STPG1: variants seen among roughly 807,000 people sequenced by gnomAD.
The protein encoded by STPG1 is O(6)-methylguanine-induced apoptosis 2.
In STPG1, 33 loss-of-function variants were observed where a neutral mutation model predicts 40.1. That is an observed-to-expected ratio of 0.82 (90% CI 0.62 to 1.10). STPG1 has a LOEUF of 1.10. Among genes scored for constraint, STPG1 ranks in the 50% least tolerant of loss-of-function variants. STPG1 has a pLI of 0.00. For synonymous variants in STPG1, 150 were observed against 155.0 expected (o/e 0.97, Z 0.24); for missense variants, 396 against 415.1 (o/e 0.95, Z 0.40).
chr1:24,388,534 G>A (rs1340931867), intron 3 of STPG1, among the ~76,000 whole-genome samples: 2 of 152,200 alleles, frequency 1.3e-5, no homozygotes, highest in Non-Finnish European at 2.9e-5. Flanking sequence ...GACCTTGATG[G>A]TTCACTGCAA....
chr1:24,391,871 C>T (rs1006788835), intron 2 of STPG1, 192 bp from the exon 3 acceptor site: 8 of 1,317,426 alleles, frequency 6.1e-6, no homozygotes, highest in Middle Eastern at 2.9e-4. Context: ...GGCAATTTAT[C>T]GGACTTCCCC....
In STPG1 at chr1:24,364,363, T is replaced by C. The variant is rs1641317884; in HGVS notation, c.738-3322A>G. 4 of 1,540,708 alleles carry C rather than the reference T, an allele frequency of 2.6e-6. No individual in the cohort carries two copies. The South Asian group carries it at 4.9e-5, about 19-fold the overall frequency. On this transcript the variant is annotated intron_variant, in intron 7 of 8. Transcript: ENST00000337248. ...CAACAGCCTGCACTTCACTGTAAAC[T>C]CGGAATGACACACCCACCTGGAGGA... is the stretch of plus-strand genomic sequence containing the variant.
upstream of STPG1, chr1:24,414,501 C>G (rs1487234143): frequency 6.6e-6 from 1 of 150,520 alleles, no homozygotes. Flanking sequence ...CCTCCAATGG[C>G]TCGCCTTTAA....
intron 3 of STPG1, among the ~76,000 whole-genome samples, chr1:24,388,678 T>C (rs571988741): frequency 6.6e-6 from 1 of 152,362 alleles, no homozygotes; most frequent in African/African-American, 2.4e-5. Context: ...GGGTGACTAA[T>C]GCTTTAAGAA....
At chr1:24,374,159 A>C (rs966880474) in intron 5 of STPG1, among the ~76,000 whole-genome samples, 7 of 151,884 alleles carry the variant, frequency 4.6e-5, no homozygotes, top group Non-Finnish European at 8.8e-5. Context: ...CTCATCTGTA[A>C]AACGGATTGG....
chr1:24,374,242 G>GCGT (rs1557440345), intron 5 of STPG1, among the ~76,000 whole-genome samples: 16 of 124,860 alleles, frequency 1.3e-4, no homozygotes, highest in African/African-American at 4.9e-4. Flanking sequence ...CGCTAGGAAA[G>GCGT]TGTTTTTTTT....
At chr1:24,386,287 C>A (rs1484188327) in intron 3 of STPG1, among the ~76,000 whole-genome samples, 1 of 152,198 alleles carries the variant, frequency 6.6e-6, no homozygotes. Context: ...CACTTTAATT[C>A]TGCCACTTTG....
intron 1 of STPG1, among the ~76,000 whole-genome samples, chr1:24,406,875 A>T (rs1336011488): frequency 6.6e-6 from 1 of 152,216 alleles, no homozygotes; most frequent in Non-Finnish European, 1.5e-5. Context: ...TACACATAAC[A>T]TAAAAATTTG....
At chr1:24,365,396 T>C (rs1641390294) in intron 7 of STPG1, among the ~76,000 whole-genome samples, 1 of 152,230 alleles carries the variant, frequency 6.6e-6, no homozygotes, top group Non-Finnish European at 1.5e-5. Flanking sequence ...ACTCTCACCC[T>C]GACTCACCCT....
intron 5 of STPG1, among the ~76,000 whole-genome samples, chr1:24,374,469 C>T (rs2148690475): frequency 6.6e-6 from 1 of 152,020 alleles, no homozygotes; most frequent in East Asian, 1.9e-4. Context: ...CCATGTTAAC[C>T]AGGATGGCCT....
At chr1:24,404,415 T>C (rs570288403) in intron 1 of STPG1, among the ~76,000 whole-genome samples, 1 of 152,300 alleles carries the variant, frequency 6.6e-6, no homozygotes, top group South Asian at 2.1e-4. Context: ...ATGTCTTTGA[T>C]TTGGGCATCA....
chr1:24,383,851 G>T, intron 4 of STPG1, 51 bp downstream of exon 4: 1 of 1,156,818 alleles, frequency 8.6e-7, no homozygotes, highest in Non-Finnish European at 1.3e-6. Flanking sequence ...TGCAATGAAT[G>T]AAGGAAATTA....
At chr1:24,406,703 T>C (rs573772372) in intron 1 of STPG1, among the ~76,000 whole-genome samples, 1 of 152,330 alleles carries the variant, frequency 6.6e-6, no homozygotes, top group African/African-American at 2.4e-5. Context: ...ATTACTCCTT[T>C]GTCTTCTGAC....
At chr1:24,409,191 C>T (rs1643521889) in intron 1 of STPG1, among the ~76,000 whole-genome samples, 2 of 152,142 alleles carry the variant, frequency 1.3e-5, no homozygotes, top group Admixed American at 1.3e-4. Flanking sequence ...GAAAGTCCGT[C>T]TCTACAAAAA....
intron 4 of STPG1, among the ~76,000 whole-genome samples, chr1:24,381,164 G>C (rs1204579749): frequency 6.6e-6 from 1 of 152,148 alleles, no homozygotes; most frequent in South Asian, 2.1e-4. Flanking sequence ...ATGGATCAGA[G>C]AGCCCATTCT....
rs35124440 is a variant in STPG1, at chr1:24,379,665, T to C, written c.450A>G (p.Pro150=). The C allele has an allele frequency of 4.7e-3, 7,529 of 1,614,196 alleles. 232 individuals are homozygous for C. In the African/African-American group the frequency reaches 0.068, roughly 15 times the overall value. The stretch of plus-strand genomic sequence containing the variant: ...GCAGAGTTCTTACATTGTAATAGTT[T>C]GGTGCAGGAGTTTCAAACTTGAGAG... ...MKALKFETPA[P]NYYNASVSCC... Residue 150 remains proline, a synonymous_variant, in exon 5 of 9, where the codon CCA becomes CCG. Transcript: ENST00000337248.
intron 3 of STPG1, among the ~76,000 whole-genome samples, chr1:24,386,039 T>C (rs913221735): frequency 1.3e-5 from 2 of 152,232 alleles, no homozygotes; most frequent in East Asian, 1.9e-4. Context: ...TGAGCACTCA[T>C]ATGTGTCTGA....
chr1:24,369,951 G>C, intron 6 of STPG1, 112 bp from the exon 7 acceptor site: 1 of 918,320 alleles, frequency 1.1e-6, no homozygotes, highest in Non-Finnish European at 1.6e-6. Flanking sequence ...ATCACTCTAG[G>C]ATGGCCAAGT....
intron 1 of STPG1, among the ~76,000 whole-genome samples, chr1:24,412,657 A>G (rs1643751927): frequency 6.6e-6 from 1 of 152,212 alleles, no homozygotes; most frequent in Non-Finnish European, 1.5e-5. Flanking sequence ...CAGAAGTTCA[A>G]GACTACCCTG....
Sources: gnomAD v4.1 joint callset for allele counts (sites outside exome capture counted in the v4.1 genomes callset) on GRCh38, gnomAD v4.1.1 for gene constraint, MANE v1.5 for transcripts, NCBI Gene and HGNC (gene_info 2026-07-23, HGNC 2026-07-21) for gene names.